The following WDFY3 variants were observed in gnomAD, a reference collection of about 807,000 sequenced individuals.
WDFY3 encodes WD repeat and FYVE domain containing 3.
In WDFY3, 66 loss-of-function variants were observed where a neutral mutation model predicts 409.6. The ratio of observed to expected loss-of-function variants is 0.16; its 90% CI spans 0.13 to 0.20. The LOEUF is 0.20. WDFY3 is among the 10% of genes least tolerant of loss of function. The probability of loss-of-function intolerance (pLI) is 1.00; values close to 1 mark genes in which losing one functional copy is unlikely to be tolerated. For synonymous variants in WDFY3, 1,521 were observed against 1,537.1 expected (o/e 0.99, Z 0.25); for missense variants, 3,031 against 4,298.1 (o/e 0.71, Z 8.24).
intron 5 of WDFY3, among the ~76,000 whole-genome samples, chr4:84,848,005 A>C (rs1050446690): frequency 6.6e-6 from 1 of 151,822 alleles, no homozygotes; most frequent in Non-Finnish European, 1.5e-5. Flanking sequence ...CAAAACACAA[A>C]GATAGAAAAT....
chr4:84,691,584 A>G lies in WDFY3; in HGVS notation c.9204+47T>C, dbSNP rs3747680. 515,015 of 1,593,606 alleles carry G rather than the reference A, an allele frequency of 0.32. 84,787 individuals are homozygous for G. Among genetic ancestry groups the G allele is most frequent in the East Asian group, 0.4 (18,043 of 44,574 alleles). On this transcript the variant is annotated intron_variant, in intron 60 of 67. Coordinates refer to ENST00000295888, the MANE Select transcript of WDFY3 (RefSeq NM_014991.6). Reference sequence around the variant, plus strand: ...CCTATTAGTCATATAGGATAGCCAGACCACAAAAGAGCAATATTAAATGAG... The same window carrying G: ...CCTATTAGTCATATAGGATAGCCAGGCCACAAAAGAGCAATATTAAATGAG...
At chr4:84,750,685 A>C (rs1461004545) in intron 36 of WDFY3, among the ~76,000 whole-genome samples, 1 of 152,224 alleles carries the variant, frequency 6.6e-6, no homozygotes, top group African/African-American at 2.4e-5. Context: ...TCTCTCTGTG[A>C]TATCTTCAGA....
chr4:84,882,714 C>CTA (rs1302839844), intron 3 of WDFY3, among the ~76,000 whole-genome samples: 4 of 150,952 alleles, frequency 2.6e-5, no homozygotes, highest in African/African-American at 9.8e-5. Flanking sequence ...ATTGTTTCAC[C>CTA]TATATTTTTT....
chr4:84,844,527 C>T, intron 5 of WDFY3: 1 of 1,289,430 alleles, frequency 7.8e-7, no homozygotes, highest in Non-Finnish European at 1.0e-6. Context: ...AAAAAAAAGG[C>T]TGGGTTGTCT....
intron 2 of WDFY3, among the ~76,000 whole-genome samples, chr4:84,916,920 T>TGAG (rs1430312849): frequency 6.6e-6 from 1 of 152,296 alleles, no homozygotes; most frequent in East Asian, 1.9e-4. Flanking sequence ...AGATGTTTGC[T>TGAG]GGCTCTCCTC....
At position 84,736,203 on chromosome 4, in the gene WDFY3, T is replaced by C; in HGVS notation, c.6882A>G (p.Glu2294=). 6.2e-7 allele frequency: 1 copy of C among 1,612,422 alleles called. No homozygotes were observed. Among genetic ancestry groups the C allele is most frequent in the Non-Finnish European group, 8.5e-7 (1 of 1,179,138 alleles). The change falls in exon 42 of 68, where the codon GAA becomes GAG. Residue 2294 remains glutamate, a synonymous_variant. Transcript: ENST00000295888. ...KLTGSRRNRK[E]SGLNKHSLST... is the part of the protein sequence containing the mutation. The stretch of plus-strand genomic sequence containing the variant: ...AAAGACTGTGTTTATTAAGACCACT[T>C]TCTTTTCGATTCCTTCTTGATCCTG...
intron 3 of WDFY3, among the ~76,000 whole-genome samples, chr4:84,877,830 T>C (rs1416374831): frequency 2.6e-5 from 4 of 152,104 alleles, no homozygotes; most frequent in Non-Finnish European, 5.9e-5. Context: ...GACAAAAAAA[T>C]GATTCATAAA....
intron 32 of WDFY3, among the ~76,000 whole-genome samples, chr4:84,757,592 T>C (rs1408060131): frequency 6.6e-6 from 1 of 152,172 alleles, no homozygotes; most frequent in Non-Finnish European, 1.5e-5. Context: ...ATTTTTATTT[T>C]TTTGAGACAC....
intron 13 of WDFY3, among the ~76,000 whole-genome samples, chr4:84,815,534 C>A (rs1431550363): frequency 6.6e-6 from 1 of 152,140 alleles, no homozygotes; most frequent in Non-Finnish European, 1.5e-5. Context: ...GTCACTTCAA[C>A]CTCTACTTTT....
intron 2 of WDFY3, among the ~76,000 whole-genome samples, chr4:84,931,484 TA>T (rs975266333): frequency 7.9e-5 from 12 of 152,154 alleles, no homozygotes; most frequent in African/African-American, 2.7e-4. Context: ...TGATGATAGC[TA>T]GTTCCCAAAG....
Position 84,670,512 on chromosome 4 carries a change from G to A in WDFY3, c.*2356C>T, listed in dbSNP as rs993066799. On this transcript the variant is annotated 3_prime_UTR_variant, in exon 68 of 68. Coordinates refer to ENST00000295888, the MANE Select transcript of WDFY3 (RefSeq NM_014991.6). ...CTGCCAGAGGAAATACTACCATGAG[G>A]GTTTTGGTTTCCACCTTCTAGTTAT... is the stretch of plus-strand genomic sequence containing the variant. 1 of 152,664 alleles carries A rather than the reference G, an allele frequency of 6.6e-6. No individual in the cohort carries two copies. Among genetic ancestry groups the A allele is most frequent in the Non-Finnish European group, 1.5e-5 (1 of 68,054 alleles). The allele number at this position is 152,664 out of a possible 1,614,324, so 9.5% of individuals were successfully genotyped here.
rs1725593508 is a variant in WDFY3, at chr4:84,672,624, AGGTCGAAAGT to A, written c.*234_*243del. 9.6e-6 allele frequency: 3 copies of A among 313,658 alleles called. No homozygotes were observed. Among genetic ancestry groups the A allele is most frequent in the Non-Finnish European group, 1.2e-5 (2 of 173,244 alleles). 19.4% of individuals were successfully genotyped at this position (313,658 alleles called of 1,614,324 possible). On this transcript the variant is annotated 3_prime_UTR_variant, in exon 68 of 68. Coordinates refer to ENST00000295888, the MANE Select transcript of WDFY3 (RefSeq NM_014991.6). ...AGCTACTGTCATCAGGGAGAACTGG[AGGTCGAAAGT>A]GTTGCTCCTAGGAACCACCTCATAT...
chr4:84,727,896 AT>A (rs767567156), intron 44 of WDFY3, among the ~76,000 whole-genome samples: 116 of 152,328 alleles, frequency 7.6e-4, no homozygotes, highest in Non-Finnish European at 1.2e-3. Context: ...GAAAAATAAT[AT>A]TTAACATCTA....
At chr4:84,704,537 G>A (rs1025007389) in intron 54 of WDFY3, 93 bp from the exon 55 acceptor site, 40 of 980,106 alleles carry the variant, frequency 4.1e-5, no homozygotes, top group Non-Finnish European at 5.7e-5. Flanking sequence ...GCTAGCCTAT[G>A]TGATAACTGT....
chr4:84,841,283 G>A lies in WDFY3; in HGVS notation c.305-20C>T. ...CAGCCTCTATAAAACCAAAGGGAAA[G>A]CCATTAAGTGGGGGAAAAGTCACAT... On this transcript the variant is annotated intron_variant, in intron 5 of 67. Transcript: ENST00000295888. 6.3e-7 allele frequency: 1 copy of A among 1,596,928 alleles called. No individual in the cohort carries two copies. The highest frequency in any genetic ancestry group is 2.2e-5 in the East Asian group (1 of 44,736).
At chr4:84,961,902 G>A (rs2151211117) in intron 1 of WDFY3, among the ~76,000 whole-genome samples, 1 of 152,224 alleles carries the variant, frequency 6.6e-6, no homozygotes, top group East Asian at 1.9e-4. Context: ...AAAGGTTACT[G>A]ATATTAATAA....
rs70943375 is a variant in WDFY3 at position 84,868,171 on chromosome 4, C to CAAAAAAAAA, written c.-31-7558_-31-7550dup. On this transcript the variant is annotated intron_variant, in intron 3 of 67. Transcript: ENST00000295888. ...TGGGTGACAGAGCGAGACTCTGTCTCAAAAAAAAAAAAAAAAAAAAAAAAA... is the reference window on the plus strand; with the variant it reads ...TGGGTGACAGAGCGAGACTCTGTCTCAAAAAAAAAAAAAAAAAAAAAAAAAAAAAAAAAA... Among the ~76,000 whole-genome samples the CAAAAAAAAA allele has an allele frequency of 5.2e-5, 2 of 38,442 alleles. 1 individual carries two copies. The highest frequency in any genetic ancestry group is 2.0e-4 in the African/African-American group (2 of 9,928). The allele number at this position is 38,442 out of a possible 152,430, so 25.2% of individuals were successfully genotyped here. A position where few individuals can be genotyped will look rare whatever the true frequency, so the allele number is the denominator to read the frequency against.
intron 4 of WDFY3, among the ~76,000 whole-genome samples, chr4:84,859,695 C>T (rs1419245482): frequency 6.6e-6 from 1 of 152,156 alleles, no homozygotes; most frequent in Non-Finnish European, 1.5e-5. Context: ...CCTGCCTCAG[C>T]CTCCCGAATA....
intron 1 of WDFY3, among the ~76,000 whole-genome samples, chr4:84,950,918 T>A (rs1773526078): frequency 1.3e-5 from 2 of 152,218 alleles, no homozygotes; most frequent in Admixed American, 6.5e-5. Context: ...ATACAATCAC[T>A]GCAGAATGTC....
Sources: allele counts gnomAD v4.1 joint callset (sites outside exome capture counted in the v4.1 genomes callset), GRCh38; gene constraint gnomAD v4.1.1; transcripts MANE v1.5; gene names NCBI Gene and HGNC (gene_info 2026-07-23, HGNC 2026-07-21).